Variants in SLC7A1 observed in about 807,000 individuals in gnomAD.
The protein encoded by SLC7A1 is high affinity cationic amino acid transporter 1.
A neutral mutation model predicts 53.9 loss-of-function variants in SLC7A1; 10 were observed. That is an observed-to-expected ratio of 0.19 (90% CI 0.11 to 0.31). SLC7A1 has a LOEUF of 0.31. Among genes scored for constraint, SLC7A1 ranks in the 10% least tolerant of loss-of-function variants. The pLI is 1.00. For synonymous variants in SLC7A1, 342 were observed against 338.7 expected, an observed-to-expected ratio of 1.01 and a Z score of -0.11; for missense variants, 525 against 827.2, an observed-to-expected ratio of 0.63 and a Z score of 4.48.
chr13:29,556,627 C>T lies in SLC7A1; in HGVS notation c.-114-2767G>A, dbSNP rs192214975. 8.9e-4 allele frequency among the ~76,000 whole-genome samples: 135 copies of T among 152,318 alleles called. 1 individual carries two copies. The highest frequency in any genetic ancestry group is 3.1e-3 in the African/African-American group (127 of 41,572). On this transcript the variant is annotated intron_variant, in intron 1 of 12. Transcript: ENST00000380752. Reference sequence around the variant, plus strand: ...TTCCTCAGCTCAAGCAATCCACCTGCCTCAGCCTCTCAAAGTGCTGGGATT... The same window carrying T: ...TTCCTCAGCTCAAGCAATCCACCTGTCTCAGCCTCTCAAAGTGCTGGGATT...
intron 1 of SLC7A1, among the ~76,000 whole-genome samples, chr13:29,577,702 C>T (rs1871466210): frequency 6.6e-6 from 1 of 152,230 alleles, no homozygotes; most frequent in South Asian, 2.1e-4. Context: ...ATAGCCTGTA[C>T]TTGGACGGCC....
At chr13:29,524,037 G>C in intron 6 of SLC7A1, 95 bp downstream of exon 6, 1 of 1,269,914 alleles carries the variant, frequency 7.9e-7, no homozygotes, top group Non-Finnish European at 1.1e-6. Context: ...AAAGAGCGGC[G>C]ACTGGACCGT....
At chr13:29,576,420 G>C (rs1871417376) in intron 1 of SLC7A1, among the ~76,000 whole-genome samples, 1 of 152,036 alleles carries the variant, frequency 6.6e-6, no homozygotes, top group Non-Finnish European at 1.5e-5. Flanking sequence ...TAATGCAACT[G>C]ACATGGTGTT....
At chr13:29,515,450 G>A (rs1011286753) in intron 12 of SLC7A1, among the ~76,000 whole-genome samples, 1 of 152,206 alleles carries the variant, frequency 6.6e-6, no homozygotes, top group Non-Finnish European at 1.5e-5. Flanking sequence ...AGCACCCCTC[G>A]AGGGCCCTGG....
intron 11 of SLC7A1, chr13:29,516,722 C>T (rs1883568306): frequency 5.7e-6 from 1 of 176,048 alleles, no homozygotes; most frequent in African/African-American, 2.4e-5. Context: ...ACTGGGTCTG[C>T]TATTATGTAT....
intron 2 of SLC7A1, among the ~76,000 whole-genome samples, chr13:29,552,614 A>G (rs756194495): frequency 6.6e-5 from 10 of 152,208 alleles, no homozygotes; most frequent in Non-Finnish European, 1.0e-4. Flanking sequence ...GTGTTCCTAA[A>G]CCACAAACAT....
intron 7 of SLC7A1, 85 bp from the exon 8 acceptor site, chr13:29,522,541 G>A (rs1315103265): frequency 1.4e-5 from 21 of 1,458,598 alleles, no homozygotes; most frequent in African/African-American, 4.2e-5. Flanking sequence ...GGTTTACCAC[G>A]GAGGAGAGGG....
At chr13:29,519,707 G>A (rs927035089) in intron 8 of SLC7A1, among the ~76,000 whole-genome samples, 158 bp from the exon 9 acceptor site, 2 of 146,198 alleles carry the variant, frequency 1.4e-5, no homozygotes, top group Admixed American at 1.4e-4. Flanking sequence ...TTAAAGGGAA[G>A]TCAAGCTTCC....
intron 11 of SLC7A1, chr13:29,516,856 C>T (rs767870718): frequency 6.1e-6 from 2 of 329,212 alleles, no homozygotes; most frequent in Non-Finnish European, 1.1e-5. Flanking sequence ...AAATAGATGC[C>T]GAATATCCAG....
At chr13:29,537,592 G>A (rs192665568) in intron 2 of SLC7A1, among the ~76,000 whole-genome samples, 12 of 152,262 alleles carry the variant, frequency 7.9e-5, no homozygotes, top group African/African-American at 2.4e-4. Flanking sequence ...TGTAACCAAT[G>A]TACCCACCAA....
At chr13:29,541,612 G>A (rs994362886) in intron 2 of SLC7A1, among the ~76,000 whole-genome samples, 2 of 152,192 alleles carry the variant, frequency 1.3e-5, no homozygotes, top group Non-Finnish European at 1.5e-5. Context: ...TTCAATTCAC[G>A]TACAATGTAT....
chr13:29,523,456 G>T lies in SLC7A1; in HGVS notation c.859C>A (p.Pro287Thr). 2 of 1,613,948 alleles carry T rather than the reference G, an allele frequency of 1.2e-6. No individual in the cohort carries two copies. The highest frequency in any genetic ancestry group is 1.7e-6 in the Non-Finnish European group (2 of 1,179,994). ...AAGAGGGACGCCACGATCCCCACGG[G>T]GATGGCCTTCTGTGGGTTCTTCACC... ...EEVKNPQKAI[P>T]VGIVASLLIC... The change falls in exon 7 of 13, where the codon CCC becomes ACC. Residue 287 changes from proline (P) to threonine (T), a missense_variant. Transcript: ENST00000380752.
At chr13:29,529,859 T>A (rs1294093837) in intron 5 of SLC7A1, among the ~76,000 whole-genome samples, 3 of 152,176 alleles carry the variant, frequency 2.0e-5, no homozygotes, top group Non-Finnish European at 4.4e-5. Context: ...TATGACTGTT[T>A]GGCTTTTTTT....
intron 1 of SLC7A1, among the ~76,000 whole-genome samples, chr13:29,560,950 T>G (rs634006): frequency 6.6e-6 from 1 of 152,110 alleles, no homozygotes; most frequent in East Asian, 1.9e-4. Flanking sequence ...TAAGAACCAC[T>G]AAAAAAATCT....
intron 3 of SLC7A1, 22 bp downstream of exon 3, chr13:29,535,797 G>A: frequency 6.2e-7 from 1 of 1,600,332 alleles, no homozygotes; most frequent in East Asian, 2.2e-5. Flanking sequence ...GAGGGCACGA[G>A]CTCCGGACCC....
chr13:29,588,544 C>T (rs1415540987), intron 1 of SLC7A1, among the ~76,000 whole-genome samples: 1 of 149,160 alleles, frequency 6.7e-6, no homozygotes, highest in East Asian at 1.9e-4. Flanking sequence ...CACTCTGTTA[C>T]CCAGGCTGGA....
chr13:29,582,835 G>A (rs984298866), intron 1 of SLC7A1, among the ~76,000 whole-genome samples: 2 of 152,154 alleles, frequency 1.3e-5, no homozygotes, highest in African/African-American at 4.8e-5. Context: ...CACACTCACT[G>A]AGATACGTTC....
chr13:29,530,446 A>T, intron 5 of SLC7A1, 92 bp downstream of exon 5: 1 of 1,147,486 alleles, frequency 8.7e-7, no homozygotes, highest in Non-Finnish European at 1.3e-6. Context: ...ATGTTTTCTT[A>T]AAAGCACATG....
chr13:29,569,666 A>C (rs1385207772), intron 1 of SLC7A1, among the ~76,000 whole-genome samples: 1 of 152,210 alleles, frequency 6.6e-6, no homozygotes, highest in Non-Finnish European at 1.5e-5. Context: ...GGTTACAACA[A>C]CACATTGCAC....
Sources: gnomAD v4.1 joint callset for allele counts (sites outside exome capture counted in the v4.1 genomes callset) on GRCh38, gnomAD v4.1.1 for gene constraint, MANE v1.5 for transcripts, NCBI Gene and HGNC (gene_info 2026-07-23, HGNC 2026-07-21) for gene names.